PARP14: variants seen among roughly 807,000 people sequenced by gnomAD.
PARP14 encodes poly(ADP-ribose) polymerase family member 14.
In PARP14, 59 loss-of-function variants were observed where a neutral mutation model predicts 154.2. That is an observed-to-expected ratio of 0.38 (90% CI 0.31 to 0.48). The LOEUF is 0.48. Ranked by LOEUF, PARP14 falls within the 20% of genes least tolerant of loss-of-function variation. The probability of loss-of-function intolerance (pLI) is 0.98; values close to 1 mark genes in which losing one functional copy is unlikely to be tolerated. For synonymous variants in PARP14, 720 were observed against 780.5 expected (o/e 0.92, Z 1.29); for missense variants, 1,734 against 2,131.6 (o/e 0.81, Z 3.67).
chr3:122,704,775 T>C (rs987408632), intron 8 of PARP14, 27 bp downstream of exon 8: 1 of 1,346,748 alleles, frequency 7.4e-7, no homozygotes, highest in African/African-American at 1.4e-5. Flanking sequence ...TTCTGATTAT[T>C]TTGGCAACTG....
At chr3:122,687,018 A>G (rs374550093) in intron 2 of PARP14, 62 bp from the exon 3 acceptor site, 28 of 1,213,534 alleles carry the variant, frequency 2.3e-5, no homozygotes, top group Non-Finnish European at 1.7e-5. Context: ...TCCCAGGGAC[A>G]TTTTCTTATG....
chr3:122,713,785 A>G, intron 10 of PARP14, 87 bp from the exon 11 acceptor site: 1 of 998,640 alleles, frequency 1.0e-6, no homozygotes, highest in Non-Finnish European at 1.6e-6. Context: ...CAGATGATGG[A>G]GAATGCATTC....
In PARP14 at chr3:122,713,940, G is replaced by A. The variant is rs376425341; in HGVS notation, c.3832+6G>A. The stretch of plus-strand genomic sequence containing the variant: ...AAGGGAATGTTCTCAGCAAGGTAAG[G>A]CATATTCTATTTTTTGGTCCTAAGT... On this transcript the variant is annotated splice_donor_region_variant and intron_variant, in intron 11 of 16. Transcript: ENST00000474629. 16 of 1,610,002 alleles carry A rather than the reference G, an allele frequency of 9.9e-6. No individual in the cohort carries two copies. The highest frequency in any genetic ancestry group is 1.4e-5 in the Non-Finnish European group (16 of 1,176,326).
chr3:122,705,469 A>G (rs555921690), intron 8 of PARP14, among the ~76,000 whole-genome samples: 1 of 152,230 alleles, frequency 6.6e-6, no homozygotes, highest in Non-Finnish European at 1.5e-5. Context: ...CCATGTAAAT[A>G]GGAGAGTTGG....
chr3:122,705,088 T>G (rs953060922), intron 8 of PARP14, among the ~76,000 whole-genome samples: 9 of 152,244 alleles, frequency 5.9e-5, no homozygotes, highest in Admixed American at 5.9e-4. Context: ...TCCTTCTATA[T>G]TCTTTTGAAG....
At chr3:122,718,017 C>A (rs1209773532) in intron 12 of PARP14, 54 bp from the exon 13 acceptor site, 1 of 1,354,386 alleles carries the variant, frequency 7.4e-7, no homozygotes. Flanking sequence ...TATTCCTCAG[C>A]CTTCCACTTG....
chr3:122,716,709 T>C (rs923734975), intron 12 of PARP14, among the ~76,000 whole-genome samples: 1 of 152,184 alleles, frequency 6.6e-6, no homozygotes, highest in Admixed American at 6.5e-5. Flanking sequence ...GACTAAGCTT[T>C]TATTACAGCG....
rs987072543 is a variant in PARP14, at chr3:122,703,125, G to A, written c.3082-617G>A. On this transcript the variant is annotated intron_variant, in intron 6 of 16. Coordinates refer to ENST00000474629, the MANE Select transcript of PARP14 (RefSeq NM_017554.3). ...CTCTGCATTACTCCTTAGTGACCCA[G>A]GCAGGGCAGCTTTGAAAATCACTTG... Among the ~76,000 whole-genome samples the A allele has an allele frequency of 2.6e-5, 4 of 151,860 alleles. No homozygotes were observed. In the Middle Eastern group the frequency reaches 0.014, roughly 520 times the overall value.
chr3:122,710,776 G>C (rs1406070696), intron 9 of PARP14, among the ~76,000 whole-genome samples: 1 of 150,568 alleles, frequency 6.6e-6, no homozygotes, highest in Non-Finnish European at 1.5e-5. Flanking sequence ...CCTTGGTTAA[G>C]TATATTCCTA....
In PARP14 at chr3:122,718,924, C is replaced by A. The variant is rs1253825726; in HGVS notation, c.4773C>A (p.His1591Gln). 6.2e-7 allele frequency: 1 copy of A among 1,610,328 alleles called. No homozygotes were observed. The highest frequency in any genetic ancestry group is 1.1e-5 in the South Asian group (1 of 90,428). Residue 1591 changes from histidine to glutamine, a missense_variant, in exon 14 of 17, where the codon CAC becomes CAA. Transcript: ENST00000474629. ...ACACTGCCACAGACACAAAGGGCCA[C>A]AGTTTATCTGTTCAGCGCCTCACGA... The part of the protein sequence containing the change: ...NTYTATDTKG[H>Q]SLSVQRLTKS...
At chr3:122,723,798 T>C (rs1434031134) in intron 15 of PARP14, among the ~76,000 whole-genome samples, 1 of 152,208 alleles carries the variant, frequency 6.6e-6, no homozygotes, top group East Asian at 1.9e-4. Flanking sequence ...CCAACAATTT[T>C]GTACTGATTG....
chr3:122,719,045 T>C (rs571930527), intron 14 of PARP14, 87 bp downstream of exon 14: 14 of 1,268,182 alleles, frequency 1.1e-5, no homozygotes, highest in Admixed American at 6.9e-5. Flanking sequence ...GAATTTCAAA[T>C]TGGAAAAAAT....
At chr3:122,687,015 G>A (rs1938394582) in intron 2 of PARP14, 65 bp from the exon 3 acceptor site, 1 of 1,154,538 alleles carries the variant, frequency 8.7e-7, no homozygotes, top group African/African-American at 1.5e-5. Context: ...TGGTCCCAGG[G>A]ACATTTTCTT....
intron 3 of PARP14, among the ~76,000 whole-genome samples, chr3:122,688,636 C>T (rs1428944339): frequency 6.6e-6 from 1 of 152,126 alleles, no homozygotes; most frequent in Non-Finnish European, 1.5e-5. Context: ...AAGGCTGGGA[C>T]TCTTGAAATT....
chr3:122,703,997 T>A lies in PARP14; in HGVS notation c.3318+19T>A. The A allele has an allele frequency of 5.1e-6, 8 of 1,573,624 alleles. No individual in the cohort carries two copies. The highest frequency in any genetic ancestry group is 6.1e-6 in the Non-Finnish European group (7 of 1,143,266). On this transcript the variant is annotated intron_variant, in intron 7 of 16. Transcript: ENST00000474629. ...ACTCAAGGTTGGGCCTGGTTTTGAA[T>A]TCTCCATGAAGTTGGGTAGCCCTTT...
intron 3 of PARP14, among the ~76,000 whole-genome samples, chr3:122,688,619 T>C (rs958426176): frequency 7.2e-5 from 11 of 152,306 alleles, no homozygotes; most frequent in Admixed American, 5.2e-4. Context: ...TCCCTGACTA[T>C]GGCCCTAAGG....
chr3:122,690,540 G>A (rs983512642), intron 3 of PARP14, among the ~76,000 whole-genome samples: 8 of 152,032 alleles, frequency 5.3e-5, no homozygotes, highest in African/African-American at 1.9e-4. Flanking sequence ...TTATTTTTCT[G>A]AGACGGAATC....
In PARP14 at chr3:122,700,259, G is replaced by C; in HGVS notation, c.1705G>C (p.Glu569Gln). 6.2e-7 allele frequency: 1 copy of C among 1,612,802 alleles called. No individual in the cohort carries two copies. Among genetic ancestry groups the C allele is most frequent in the East Asian group, 2.2e-5 (1 of 44,872 alleles). Residue 569 changes from glutamate to glutamine, a missense_variant, in exon 6 of 17, where the codon GAG (glutamate) becomes CAG (glutamine). Coordinates refer to ENST00000474629, the MANE Select transcript of PARP14 (RefSeq NM_017554.3). ...FIAQKILALY[E>Q]LEGTTVLLTS... The stretch of plus-strand genomic sequence containing the variant: ...AGCACAGAAGATTCTTGCACTTTAT[G>C]AGCTAGAGGGTACAACTGTTCTCTT...
At chr3:122,682,853 C>A (rs894744281) in intron 1 of PARP14, among the ~76,000 whole-genome samples, 1 of 151,974 alleles carries the variant, frequency 6.6e-6, no homozygotes, top group African/African-American at 2.4e-5. Context: ...GAGATCGAGA[C>A]CATCCTTGAG....
Sources: allele counts gnomAD v4.1 joint callset (sites outside exome capture counted in the v4.1 genomes callset), GRCh38; gene constraint gnomAD v4.1.1; transcripts MANE v1.5; gene names NCBI Gene and HGNC (gene_info 2026-07-23, HGNC 2026-07-21).